The following PHC2 variants were observed in gnomAD, a reference collection of about 807,000 sequenced individuals.
The protein encoded by PHC2 is polyhomeotic homolog 2, also known as polyhomeotic-like protein 2.
In PHC2, 29 loss-of-function variants were observed where a neutral mutation model predicts 87.4. The ratio of observed to expected loss-of-function variants is 0.33; its 90% confidence interval spans 0.25 to 0.45. PHC2 has a LOEUF of 0.45. Among genes scored for constraint, PHC2 ranks in the 20% least tolerant of loss-of-function variants. PHC2 has a pLI of 1.00. For synonymous variants in PHC2, 438 were observed against 461.7 expected, an observed-to-expected ratio of 0.95 and a Z score of 0.66; for missense variants, 857 against 1,136.7, an observed-to-expected ratio of 0.75 and a Z score of 3.54.
At position 33,367,426 on chromosome 1, in the gene PHC2, T is replaced by G; in HGVS notation, c.666A>C (p.Val222=). The change falls in exon 7 of 15, where the codon GTA becomes GTC. Residue 222 remains valine (V), a splice_region_variant and synonymous_variant. Transcript: ENST00000683057. ...SPARPPTPAQ[V]QNLTLRTQQT... is the part of the protein sequence containing the mutation. ...GCTGTGTTCGGAGGGTCAAGTTCTG[T>G]ACCTGGAAAAGAGGGGTCTGTGGGA... 6.4e-7 allele frequency: 1 copy of G among 1,552,104 alleles called. No homozygotes were observed. Among genetic ancestry groups the G allele is most frequent in the Non-Finnish European group, 8.7e-7 (1 of 1,145,396 alleles).
intron 1 of PHC2, among the ~76,000 whole-genome samples, chr1:33,425,264 A>T (rs1304545977): frequency 2.0e-5 from 3 of 152,346 alleles, no homozygotes; most frequent in South Asian, 4.1e-4. Context: ...TTGGCAAGTC[A>T]AGCAGTCTTG....
intron 9 of PHC2, among the ~76,000 whole-genome samples, chr1:33,336,209 G>A (rs1435591798): frequency 6.6e-6 from 1 of 151,858 alleles, no homozygotes; most frequent in East Asian, 2.0e-4. Flanking sequence ...GGCTGGTCTC[G>A]AACTCCTGAT....
In PHC2 at chr1:33,375,560, CAG is replaced by C; in HGVS notation, c.-23_-22del. 1 of 1,480,498 alleles carries C rather than the reference CAG, an allele frequency of 6.8e-7. No homozygotes were observed. Among genetic ancestry groups the C allele is most frequent in the Non-Finnish European group, 9.0e-7 (1 of 1,105,078 alleles). The allele number at this position is 1,480,498 out of a possible 1,614,324, so 91.7% of individuals were successfully genotyped here. ...TCCATGGCCTGCAGTGTGGCGCAGT[CAG>C]GGCGCTCGGATGGCAGAAGGGCAGG... On this transcript the variant is annotated 5_prime_UTR_variant, in exon 2 of 15. Transcript: ENST00000683057.
rs569394715 is a variant in PHC2, at chr1:33,349,738, G to A, written c.1558+4663C>T. 1,827 of 995,148 alleles carry A rather than the reference G, an allele frequency of 1.8e-3. 4 individuals are homozygous for A. Among genetic ancestry groups the A allele is most frequent in the Non-Finnish European group, 2.1e-3 (1,743 of 835,138 alleles). The allele number at this position is 995,148 out of a possible 1,614,324, so 61.6% of individuals were successfully genotyped here. A position where few individuals can be genotyped will look rare whatever the true frequency, so the allele number is the denominator to read the frequency against. Reference sequence around the variant, plus strand: ...CGAGCCGGGGCCCGGGGCTGCCGCGGCGCATCCGACCGCACCGGCCTGGCC... The same window carrying A: ...CGAGCCGGGGCCCGGGGCTGCCGCGACGCATCCGACCGCACCGGCCTGGCC... On this transcript the variant is annotated intron_variant, in intron 9 of 14. Transcript: ENST00000683057. This position sits in a 1 kb window ranked among gnomAD's most constrained non-coding sequence, Gnocchi z 4.2.
chr1:33,363,606 G>T, intron 7 of PHC2: 1 of 220,874 alleles, frequency 4.5e-6, no homozygotes, highest in Non-Finnish European at 7.6e-6. Context: ...ACCTGAGGCG[G>T]GCTGAGGATG....
intron 9 of PHC2, chr1:33,347,002 T>G: frequency 3.0e-6 from 3 of 985,406 alleles, no homozygotes; most frequent in Non-Finnish European, 3.6e-6. Context: ...TGTAAGATCA[T>G]CCATCTACTT....
Position 33,323,813 on chromosome 1 carries a change from C to T in PHC2, c.*1052G>A, listed in dbSNP as rs574020244. 1.3e-5 allele frequency: 2 copies of T among 152,758 alleles called. No individual in the cohort carries two copies. Among genetic ancestry groups the T allele is most frequent in the East Asian group, 3.9e-4 (2 of 5,178 alleles). The allele number at this position is 152,758 out of a possible 1,614,324, so 9.5% of individuals were successfully genotyped here. ...TCTGCCCTGCCTCCTCCTCAGGTAG[C>T]TCAAATTGCTGCTAGGAAGATTTAT... is the stretch of plus-strand genomic sequence containing the variant. On this transcript the variant is annotated 3_prime_UTR_variant, in exon 15 of 15. Coordinates refer to ENST00000683057, the MANE Select transcript of PHC2 (RefSeq NM_001385109.1).
intron 1 of PHC2, among the ~76,000 whole-genome samples, chr1:33,394,758 T>A (rs952320381): frequency 1.3e-5 from 2 of 152,148 alleles, no homozygotes; most frequent in Non-Finnish European, 2.9e-5. Context: ...TTTGTAGAGA[T>A]GGCGTCTTGC....
Position 33,372,325 on chromosome 1 carries a change from G to T in PHC2, c.297C>A (p.Ser99Arg). ...QTAALQQQHL[S>R]SAQLQSLAAV... ...CTGCCAGGCTCTGGAGCTGGGCGCT[G>T]CTGAGGTGCTGCTGCTGGAGCGCCG... Residue 99 changes from serine (S) to arginine (R), a missense_variant, in exon 3 of 15, where the codon AGC becomes AGA. By Grantham distance (110) the Ser-to-Arg change is moderately radical. This residue lies in a region of PHC2 where 832 missense variants were observed against 1,081.8 expected (regional missense o/e 0.77). Coordinates refer to ENST00000683057, the MANE Select transcript of PHC2 (RefSeq NM_001385109.1). 6.2e-7 allele frequency: 1 copy of T among 1,601,082 alleles called. No individual in the cohort carries two copies. The highest frequency in any genetic ancestry group is 1.7e-5 in the Admixed American group (1 of 59,180).
chr1:33,414,808 A>G (rs547201326), intron 1 of PHC2, among the ~76,000 whole-genome samples: 1 of 152,376 alleles, frequency 6.6e-6, no homozygotes, highest in South Asian at 2.1e-4. Flanking sequence ...TTCACAAGCC[A>G]TATTTTAAAT....
intron 7 of PHC2, among the ~76,000 whole-genome samples, chr1:33,356,860 A>AAT (rs1647098491): frequency 6.6e-6 from 1 of 151,364 alleles, no homozygotes; most frequent in African/African-American, 2.4e-5. Flanking sequence ...CTTCCCAGAC[A>AAT]GGGCGGCCAG....
chr1:33,424,197 C>T (rs562723509), intron 1 of PHC2, among the ~76,000 whole-genome samples: 10 of 151,956 alleles, frequency 6.6e-5, no homozygotes, highest in South Asian at 6.3e-4. Flanking sequence ...TTCATTAATA[C>T]TATTTTAGAG....
At chr1:33,329,930 G>T in intron 13 of PHC2, 141 bp downstream of exon 13, 2 of 896,098 alleles carry the variant, frequency 2.2e-6, no homozygotes, top group Non-Finnish European at 3.5e-6. Context: ...CAGAAGGCTC[G>T]ACTGGACAGG....
At chr1:33,333,902 C>A in intron 10 of PHC2, 188 bp downstream of exon 10, 1 of 585,836 alleles carries the variant, frequency 1.7e-6, no homozygotes, top group East Asian at 3.0e-5. Flanking sequence ...TGATCACTGA[C>A]CCCCCTCTTC....
At position 33,332,832 on chromosome 1, in the gene PHC2, C is replaced by G. The variant is rs566259269; in HGVS notation, c.1762-428G>C. Among the ~76,000 whole-genome samples the G allele has an allele frequency of 2.4e-4, 37 of 152,232 alleles. No homozygotes were observed. The highest frequency in any genetic ancestry group is 8.2e-4 in the African/African-American group (34 of 41,542). On this transcript the variant is annotated intron_variant, in intron 10 of 14. Coordinates refer to ENST00000683057, the MANE Select transcript of PHC2 (RefSeq NM_001385109.1). This position sits in a 1 kb window ranked among gnomAD's most constrained non-coding sequence, Gnocchi z 4.2. ...CCCATTTTCTGATTTTTTTACTGTT[C>G]TCCACCTTACCCCAATGCCTGACCC...
At chr1:33,327,474 A>C (rs1276841326) in intron 14 of PHC2, among the ~76,000 whole-genome samples, 1 of 152,164 alleles carries the variant, frequency 6.6e-6, no homozygotes, top group African/African-American at 2.4e-5. Context: ...GGTGAACTAC[A>C]TGGCTTGTCT....
chr1:33,394,398 G>A (rs1557844003), intron 1 of PHC2, among the ~76,000 whole-genome samples: 1 of 151,972 alleles, frequency 6.6e-6, no homozygotes, highest in Non-Finnish European at 1.5e-5. Context: ...GGCACCAAAA[G>A]GTCTTTAAAC....
At chr1:33,344,601 TTTTTTTA>T (rs969340858) in intron 9 of PHC2, among the ~76,000 whole-genome samples, 13 of 152,270 alleles carry the variant, frequency 8.5e-5, no homozygotes, top group Admixed American at 1.3e-4. Flanking sequence ...TTTAATCAAA[TTTTTTTA>T]TTTTTTATTT....
chr1:33,377,588 G>A (rs1216185535), intron 1 of PHC2, among the ~76,000 whole-genome samples: 1 of 151,884 alleles, frequency 6.6e-6, no homozygotes, highest in Non-Finnish European at 1.5e-5. Flanking sequence ...TTTCTGTGTA[G>A]AGGCTGTTCC....
Sources: gnomAD v4.1 joint callset for allele counts (sites outside exome capture counted in the v4.1 genomes callset) on GRCh38, gnomAD v4.1.1 for gene constraint, gnomAD v4.1.1 regional missense constraint, Gnocchi (gnomAD v3.1) non-coding constraint, MANE v1.5 for transcripts, NCBI Gene and HGNC (gene_info 2026-07-23, HGNC 2026-07-21) for gene names.